The following SNX29 variants were observed in gnomAD, a reference collection of about 807,000 sequenced individuals.
The protein encoded by SNX29 is sorting nexin 29, also known as sorting nexin-29.
A neutral mutation model predicts 102.1 loss-of-function variants in SNX29; 78 were observed. The observed-to-expected ratio is 0.76, with a 90% confidence interval of 0.64 to 0.92. The LOEUF (loss-of-function observed/expected upper bound fraction) is 0.92. Among genes scored for constraint, SNX29 ranks in the 40% least tolerant of loss-of-function variants. The pLI, the probability that SNX29 is intolerant of heterozygous loss-of-function variation, is 0.00. For synonymous variants in SNX29, 580 were observed against 414.5 expected (o/e 1.40, Z -4.85); for missense variants, 1,280 against 1,061.7 (o/e 1.21, Z -2.86).
chr16:12,563,979 T>C (rs1294436987), intron 20 of SNX29, among the ~76,000 whole-genome samples: 1 of 142,070 alleles, frequency 7.0e-6, no homozygotes, highest in Non-Finnish European at 1.5e-5. Context: ...TCAGATAAGG[T>C]TCCCTCTGCC....
intron 14 of SNX29, among the ~76,000 whole-genome samples, chr16:12,209,076 A>T (rs951641530): frequency 1.3e-5 from 2 of 152,146 alleles, no homozygotes; most frequent in African/African-American, 4.8e-5. Context: ...CTTCTCCTGA[A>T]AATCTCGGTT....
intron 14 of SNX29, among the ~76,000 whole-genome samples, chr16:12,249,743 T>C (rs1339904497): frequency 6.6e-6 from 1 of 152,216 alleles, no homozygotes; most frequent in African/African-American, 2.4e-5. Flanking sequence ...ATAATACATG[T>C]AAAAGTTCTT....
At chr16:12,474,000 A>G (rs1197413466) in intron 18 of SNX29, among the ~76,000 whole-genome samples, 1 of 152,078 alleles carries the variant, frequency 6.6e-6, no homozygotes, top group African/African-American at 2.4e-5. Flanking sequence ...CTTTCATTTT[A>G]CTCTACAGAC....
At position 12,325,434 on chromosome 16, in the gene SNX29, G is replaced by A. The variant is rs1596918472; in HGVS notation, c.1783-30729G>A. Among the ~76,000 whole-genome samples the A allele has an allele frequency of 2.0e-5, 3 of 152,168 alleles. No individual in the cohort carries two copies. The South Asian group carries it at 6.2e-4, about 32-fold the overall frequency. Reference sequence around the variant, plus strand: ...AGGTTAATTGTGATTCCGACTGTTAGGGAAAACCTAATTAACAATAATGGG... The same window carrying A: ...AGGTTAATTGTGATTCCGACTGTTAAGGAAAACCTAATTAACAATAATGGG... On this transcript the variant is annotated intron_variant, in intron 15 of 20. Coordinates refer to ENST00000566228, the MANE Select transcript of SNX29 (RefSeq NM_032167.5).
chr16:12,086,247 G>T (rs1256451904), intron 11 of SNX29, among the ~76,000 whole-genome samples: 1 of 151,876 alleles, frequency 6.6e-6, no homozygotes, highest in African/African-American at 2.4e-5. Flanking sequence ...CTTGTGATCT[G>T]CCCGCCTCGG....
intron 5 of SNX29, 104 bp downstream of exon 5, chr16:12,043,181 G>A (rs2049955446): frequency 6.9e-7 from 1 of 1,445,604 alleles, no homozygotes; most frequent in Non-Finnish European, 9.4e-7. Flanking sequence ...CCCGATCTGG[G>A]GGAAGTGGGC....
intron 19 of SNX29, among the ~76,000 whole-genome samples, chr16:12,480,910 T>TC: frequency 6.6e-6 from 1 of 152,170 alleles, no homozygotes; most frequent in Non-Finnish European, 1.5e-5. Context: ...AAAGTCTTAC[T>TC]CTGTTCCCAG....
Position 12,570,236 on chromosome 16 carries a change from G to T in SNX29, c.*1607G>T. 1 of 1,065,346 alleles carries T rather than the reference G, an allele frequency of 9.4e-7. No individual in the cohort carries two copies. The allele number at this position is 1,065,346 out of a possible 1,614,324, so 66.0% of individuals were successfully genotyped here. A position where few individuals can be genotyped will look rare whatever the true frequency, so the allele number is the denominator to read the frequency against. On this transcript the variant is annotated 3_prime_UTR_variant, in exon 21 of 21. Coordinates refer to ENST00000566228, the MANE Select transcript of SNX29 (RefSeq NM_032167.5). The stretch of plus-strand genomic sequence containing the variant: ...GGGGCCAGATAAGCCCTGCCCCGGT[G>T]AGACCAAATGAGCTGGAGCATGTAT...
chr16:12,127,755 C>T (rs929559606), intron 12 of SNX29, among the ~76,000 whole-genome samples: 6 of 152,142 alleles, frequency 3.9e-5, no homozygotes, highest in Non-Finnish European at 8.8e-5. Flanking sequence ...TAATCAAAGG[C>T]CTGTCTATCT....
intron 20 of SNX29, among the ~76,000 whole-genome samples, chr16:12,545,098 G>C (rs1024855249): frequency 2.0e-5 from 3 of 152,146 alleles, no homozygotes; most frequent in African/African-American, 7.2e-5. Flanking sequence ...TCAGACCCAG[G>C]CTGCAGTAGC....
chr16:12,406,825 C>T (rs146948561), intron 18 of SNX29, among the ~76,000 whole-genome samples: 1 of 152,174 alleles, frequency 6.6e-6, no homozygotes, highest in Admixed American at 6.5e-5. Context: ...AGGACAATCG[C>T]TTGAACCTGG....
At chr16:12,402,664 A>G (rs1303953232) in intron 17 of SNX29, among the ~76,000 whole-genome samples, 1 of 152,228 alleles carries the variant, frequency 6.6e-6, no homozygotes, top group Non-Finnish European at 1.5e-5. Context: ...AATATCTGTT[A>G]AACATGCCTC....
chr16:12,125,609 T>C lies in SNX29; in HGVS notation c.1403-1024T>C, dbSNP rs1260306021. The stretch of plus-strand genomic sequence containing the variant: ...GGGCTTGTGGCTGAGATCTCTCTTT[T>C]TTTTTTTTTTTTTTTTTTTTTTTTT... On this transcript the variant is annotated intron_variant, in intron 11 of 20. Coordinates refer to ENST00000566228, the MANE Select transcript of SNX29 (RefSeq NM_032167.5). Among the ~76,000 whole-genome samples, 70 of 30,616 alleles carry C rather than the reference T, an allele frequency of 2.3e-3. 1 individual carries two copies. The highest frequency in any genetic ancestry group is 5.0e-3 in the East Asian group (2 of 398). The allele number at this position is 30,616 out of a possible 152,430, so 20.1% of individuals were successfully genotyped here.
In SNX29 at chr16:12,537,781, G is replaced by GTA. The variant is rs144009882; in HGVS notation, c.2318+12941_2318+12942dup. ...GTGGGGTTTGTTTAAACAAAAAAAAGTAATAAAATATCTCCTATATCAGAG... is the reference window on the plus strand; with the variant it reads ...GTGGGGTTTGTTTAAACAAAAAAAAGTATAATAAAATATCTCCTATATCAGAG... On this transcript the variant is annotated intron_variant, in intron 20 of 20. Coordinates refer to ENST00000566228, the MANE Select transcript of SNX29 (RefSeq NM_032167.5). Among the ~76,000 whole-genome samples, 541 of 152,160 alleles carry GTA rather than the reference G, an allele frequency of 3.6e-3. 5 individuals are homozygous for GTA. The highest frequency in any genetic ancestry group is 0.012 in the African/African-American group (510 of 41,514).
At chr16:12,161,770 C>T (rs527533265) in intron 13 of SNX29, among the ~76,000 whole-genome samples, 4 of 152,012 alleles carry the variant, frequency 2.6e-5, no homozygotes, top group Non-Finnish European at 5.9e-5. Flanking sequence ...CCTCCCTGCC[C>T]GCCCTTCTTC....
intron 20 of SNX29, among the ~76,000 whole-genome samples, chr16:12,537,224 C>T (rs529195863): frequency 6.6e-6 from 1 of 152,188 alleles, no homozygotes; most frequent in Non-Finnish European, 1.5e-5. Context: ...GACCAGACTG[C>T]AAGGTGCCAG....
rs1392537162 is a variant in SNX29 at position 12,278,012 on chromosome 16, C to T, written c.1758C>T (p.Ser586=). The change falls in exon 15 of 21, where the codon AGC becomes AGT. Residue 586 remains serine, a synonymous_variant. Coordinates refer to ENST00000566228, the MANE Select transcript of SNX29 (RefSeq NM_032167.5). Reference sequence around the variant, plus strand: ...GAGAAATTGCTGAAGAACTCGCAAGCTCCTACGAAAGAAAGCTCATCGAGG... The same window carrying T: ...GAGAAATTGCTGAAGAACTCGCAAGTTCCTACGAAAGAAAGCTCATCGAGG... ...KPGEIAEELA[S]SYERKLIEVA... The T allele has an allele frequency of 1.2e-6, 2 of 1,604,190 alleles. No individual in the cohort carries two copies. The highest frequency in any genetic ancestry group is 1.1e-5 in the South Asian group (1 of 88,690).
intron 15 of SNX29, among the ~76,000 whole-genome samples, chr16:12,349,352 C>A (rs1219972617): frequency 1.3e-5 from 2 of 152,230 alleles, no homozygotes; most frequent in Non-Finnish European, 2.9e-5. Context: ...TCCTGTGACT[C>A]TGTGTCTAGT....
At chr16:12,106,245 G>A (rs1180924812) in intron 11 of SNX29, among the ~76,000 whole-genome samples, 1 of 152,182 alleles carries the variant, frequency 6.6e-6, no homozygotes, top group Non-Finnish European at 1.5e-5. Flanking sequence ...AATTGCATCG[G>A]TGGTGTGTCA....
Sources: allele counts gnomAD v4.1 joint callset (sites outside exome capture counted in the v4.1 genomes callset), GRCh38; gene constraint gnomAD v4.1.1; transcripts MANE v1.5; gene names NCBI Gene and HGNC (gene_info 2026-07-23, HGNC 2026-07-21).